The following SLC47A2 variants were observed in gnomAD, a reference collection of about 807,000 sequenced individuals.
SLC47A2 encodes the protein solute carrier family 47 member 2, also known as multidrug and toxin extrusion protein 2.
A neutral mutation model predicts 67.7 loss-of-function variants in SLC47A2; 52 were observed. That is an observed-to-expected ratio of 0.77 (90% CI 0.61 to 0.97). SLC47A2 has a LOEUF of 0.97. SLC47A2 is among the 50% of genes least tolerant of loss of function. The pLI, the probability that SLC47A2 is intolerant of heterozygous loss-of-function variation, is 0.00. For synonymous variants in SLC47A2, 278 were observed against 292.9 expected (o/e 0.95, Z 0.52); for missense variants, 676 against 712.3 (o/e 0.95, Z 0.58).
At chr17:19,712,850 G>A (rs2086139671) in intron 4 of SLC47A2, 105 bp from the exon 5 acceptor site, 1 of 1,104,856 alleles carries the variant, frequency 9.1e-7, no homozygotes, top group Admixed American at 2.0e-5. Context: ...GCTGTCCCAG[G>A]GTCTCAGCCA....
At chr17:19,716,410 G>T in intron 1 of SLC47A2, 23 bp downstream of exon 1, 3 of 1,599,210 alleles carry the variant, frequency 1.9e-6, no homozygotes, top group Non-Finnish European at 2.6e-6. Flanking sequence ...CTCCCTACCT[G>T]CCCCCCAGCT....
chr17:19,686,535 A>G lies in SLC47A2; in HGVS notation c.1165-4865T>C, dbSNP rs374393263. On this transcript the variant is annotated intron_variant, in intron 13 of 16. Coordinates refer to ENST00000433844, the MANE Select transcript of SLC47A2 (RefSeq NM_001099646.3). ...CTCAATGGATAAAAAACAAAACCCA[A>G]TGATCTGTTGCCTACAAGATGCACA... Among the ~76,000 whole-genome samples the G allele has an allele frequency of 3.9e-5, 6 of 152,194 alleles. No homozygotes were observed. In the East Asian group the frequency reaches 5.8e-4, roughly 15 times the overall value.
At chr17:19,699,802 C>A (rs1242232879) in intron 13 of SLC47A2, among the ~76,000 whole-genome samples, 1 of 152,166 alleles carries the variant, frequency 6.6e-6, no homozygotes, top group East Asian at 1.9e-4. Flanking sequence ...GAAATGAAAA[C>A]AAATCCACAC....
chr17:19,713,500 C>G (rs2086160288), intron 4 of SLC47A2, among the ~76,000 whole-genome samples: 1 of 152,252 alleles, frequency 6.6e-6, no homozygotes. Context: ...GCACACACTT[C>G]ATTTCTTCGA....
intron 13 of SLC47A2, among the ~76,000 whole-genome samples, chr17:19,682,519 G>A (rs1015131061): frequency 6.6e-6 from 1 of 152,054 alleles, no homozygotes; most frequent in Non-Finnish European, 1.5e-5. Flanking sequence ...TCATTGGCTG[G>A]TGGCCCCACA....
At position 19,685,375 on chromosome 17, in the gene SLC47A2, C is replaced by T. The variant is rs914700809; in HGVS notation, c.1165-3705G>A. ...GGAAGTGAGGCGCGCCTCTGCCTGGCTGCCACCACGTCTAGGAAGTGAGGA... is the reference window on the plus strand; with the variant it reads ...GGAAGTGAGGCGCGCCTCTGCCTGGTTGCCACCACGTCTAGGAAGTGAGGA... On this transcript the variant is annotated intron_variant, in intron 13 of 16. Transcript: ENST00000433844. The surrounding 1 kb of genome is among the most constrained non-coding windows in gnomAD (Gnocchi z 4.5). 2.3e-4 allele frequency among the ~76,000 whole-genome samples: 35 copies of T among 152,032 alleles called. No homozygotes were observed. Among genetic ancestry groups the T allele is most frequent in the African/African-American group, 8.4e-4 (35 of 41,460 alleles).
At chr17:19,680,963 C>T (rs2152337302) in intron 15 of SLC47A2, among the ~76,000 whole-genome samples, 1 of 152,308 alleles carries the variant, frequency 6.6e-6, no homozygotes, top group African/African-American at 2.4e-5. Flanking sequence ...CCTGTAATCC[C>T]AGCACTTTGG....
chr17:19,707,352 T>C (rs896061212), intron 8 of SLC47A2, among the ~76,000 whole-genome samples: 1 of 152,210 alleles, frequency 6.6e-6, no homozygotes, highest in Non-Finnish European at 1.5e-5. Context: ...CCTCCGTCTG[T>C]CATAATCTCC....
chr17:19,682,366 A>ACACACACACAC lies in SLC47A2; in HGVS notation c.1165-697_1165-696insGTGTGTGTGTG, dbSNP rs1555537233. Among the ~76,000 whole-genome samples, 59 of 96,154 alleles carry ACACACACACAC rather than the reference A, an allele frequency of 6.1e-4. No homozygotes were observed. In the East Asian group the frequency reaches 0.024, roughly 39 times the overall value. The allele number at this position is 96,154 out of a possible 152,430, so 63.1% of individuals were successfully genotyped here. A position where few individuals can be genotyped will look rare whatever the true frequency, so the allele number is the denominator to read the frequency against. On this transcript the variant is annotated intron_variant, in intron 13 of 16. Transcript: ENST00000433844. ...ACACACACACACACACACACACACA[A>ACACACACACAC]ATTTATTATTTTATTTTACAGTTCT... is the stretch of plus-strand genomic sequence containing the variant.
chr17:19,708,757 T>C lies in SLC47A2; in HGVS notation c.490A>G (p.Ile164Val). Residue 164 changes from isoleucine to valine, a missense_variant, in exon 6 of 17, where the codon ATT becomes GTT. Transcript: ENST00000433844. ...VMIFIPGLPV[I>V]FLYNLLAKYL... ...TTTGCCAGCAGATTGTAAAGAAAAA[T>C]CACCTGTATGAAAAGCAAACCCAAA... The C allele has an allele frequency of 6.2e-7, 1 of 1,613,768 alleles. No individual in the cohort carries two copies. Among genetic ancestry groups the C allele is most frequent in the Non-Finnish European group, 8.5e-7 (1 of 1,179,974 alleles).
At chr17:19,689,445 C>T (rs2085493510) in intron 13 of SLC47A2, among the ~76,000 whole-genome samples, 1 of 152,086 alleles carries the variant, frequency 6.6e-6, no homozygotes, top group Admixed American at 6.5e-5. Context: ...GCCTGTAATC[C>T]TAGCACTTTG....
chr17:19,681,528 C>T lies in SLC47A2; in HGVS notation c.1297+10G>A, dbSNP rs1284186265. The T allele has an allele frequency of 1.2e-6, 2 of 1,614,212 alleles. No homozygotes were observed. The highest frequency in any genetic ancestry group is 2.2e-5 in the East Asian group (1 of 44,876). On this transcript the variant is annotated intron_variant, in intron 14 of 16. Transcript: ENST00000433844. ...ACCCAGGCCTCTCCCGACTTCCTCA[C>T]ACCACATACCCATGATTCTCATTCT...
intron 1 of SLC47A2, 145 bp from the exon 2 acceptor site, chr17:19,715,362 G>C: frequency 1.5e-6 from 1 of 670,010 alleles, no homozygotes; most frequent in Non-Finnish European, 2.5e-6. Context: ...CTGGAGGTCG[G>C]ATGACCTAGC....
At chr17:19,689,164 C>G (rs1290143821) in intron 13 of SLC47A2, among the ~76,000 whole-genome samples, 1 of 152,126 alleles carries the variant, frequency 6.6e-6, no homozygotes, top group Non-Finnish European at 1.5e-5. Context: ...GCCTCAGCCT[C>G]CCAAAATGCT....
At chr17:19,700,101 A>G (rs1445710519) in intron 13 of SLC47A2, among the ~76,000 whole-genome samples, 1 of 152,234 alleles carries the variant, frequency 6.6e-6, no homozygotes, top group African/African-American at 2.4e-5. Flanking sequence ...TGCCCAGGGC[A>G]GGAGATGGGA....
At chr17:19,686,248 G>A (rs545051434) in intron 13 of SLC47A2, among the ~76,000 whole-genome samples, 1 of 152,242 alleles carries the variant, frequency 6.6e-6, no homozygotes, top group South Asian at 2.1e-4. Context: ...GGCTACAAGA[G>A]CGAGACCCTG....
chr17:19,706,168 A>G (rs1352983494), intron 9 of SLC47A2, among the ~76,000 whole-genome samples: 1 of 152,134 alleles, frequency 6.6e-6, no homozygotes, highest in Non-Finnish European at 1.5e-5. Flanking sequence ...TCTCATCTGC[A>G]AATGCGGGGC....
intron 13 of SLC47A2, among the ~76,000 whole-genome samples, chr17:19,695,991 T>G (rs555492152): frequency 3.0e-4 from 45 of 151,816 alleles, no homozygotes; most frequent in Non-Finnish European, 5.0e-4. Flanking sequence ...CCCTAAGTGC[T>G]GCGATTACAG....
intron 5 of SLC47A2, 97 bp downstream of exon 5, chr17:19,712,606 A>G (rs1450408429): frequency 7.5e-7 from 1 of 1,336,756 alleles, no homozygotes; most frequent in East Asian, 2.4e-5. Context: ...AGGAAGTCAC[A>G]GCAGGATAGG....
Sources: allele counts gnomAD v4.1 joint callset (sites outside exome capture counted in the v4.1 genomes callset), GRCh38; gene constraint gnomAD v4.1.1; non-coding constraint Gnocchi (gnomAD v3.1); transcripts MANE v1.5; gene names NCBI Gene and HGNC (gene_info 2026-07-23, HGNC 2026-07-21).